CLCNKA: variants seen among roughly 807,000 people sequenced by gnomAD.
The protein encoded by CLCNKA is chloride voltage-gated channel Ka.
In CLCNKA, 66 loss-of-function variants were observed where a neutral mutation model predicts 83.3. That is an observed-to-expected ratio of 0.79 (90% CI 0.65 to 0.97). The LOEUF (loss-of-function observed/expected upper bound fraction) is 0.97, where lower values mean the gene tolerates loss of function less well. CLCNKA is among the 50% of genes least tolerant of loss of function. The pLI, the probability that CLCNKA is intolerant of heterozygous loss-of-function variation, is 0.00. For missense variants in CLCNKA, 806 were observed against 888.7 expected, an observed-to-expected ratio of 0.91 and a Z score of 1.18; for synonymous variants, 357 against 370.4, an observed-to-expected ratio of 0.96 and a Z score of 0.42.
chr1:16,024,244 C>T (rs1226932510), intron 3 of CLCNKA, among the ~76,000 whole-genome samples: 3 of 152,244 alleles, frequency 2.0e-5, no homozygotes, highest in South Asian at 2.1e-4. Context: ...AGTGGGGACA[C>T]TTGCCTAGAT....
rs542733152 is a variant in CLCNKA at position 16,031,241 on chromosome 1, G to A, written c.1623-469G>A. Reference sequence around the variant, plus strand: ...TGCTCTGAACCTGTTTCCCCATCGGGAAAATGGGGCTGTTTATACCAGTGA... The same window carrying A: ...TGCTCTGAACCTGTTTCCCCATCGGAAAAATGGGGCTGTTTATACCAGTGA... On this transcript the variant is annotated intron_variant, in intron 15 of 19. Coordinates refer to ENST00000331433, the MANE Select transcript of CLCNKA (RefSeq NM_004070.4). Among the ~76,000 whole-genome samples, 21 of 152,214 alleles carry A rather than the reference G, an allele frequency of 1.4e-4. No homozygotes were observed. The South Asian group carries it at 4.1e-3, about 30-fold the overall frequency.
intron 16 of CLCNKA, 110 bp downstream of exon 16, chr1:16,031,953 C>CAGGCAGTA (rs1197483324): frequency 6.4e-7 from 1 of 1,565,476 alleles, no homozygotes; most frequent in African/African-American, 1.4e-5. Context: ...ACTTAGCAAC[C>CAGGCAGTA]AACCGTGTGA....
intron 10 of CLCNKA, 130 bp downstream of exon 10, chr1:16,028,249 C>A: frequency 1.2e-6 from 1 of 841,530 alleles, no homozygotes; most frequent in Non-Finnish European, 2.0e-6. Flanking sequence ...GAGCATCTAA[C>A]AACCCTCTCC....
rs754951109 is a variant in CLCNKA at position 16,033,269 on chromosome 1, CG to C, written c.2016+18del. Reference sequence around the variant, plus strand: ...GTCCTGGGTGGAGGTACCAGGGTCCCGGGGGCAGAGCAAAGCAGGGGACCCA... The same window carrying C: ...GTCCTGGGTGGAGGTACCAGGGTCCCGGGGCAGAGCAAAGCAGGGGACCCA... On this transcript the variant is annotated intron_variant, in intron 19 of 19. Coordinates refer to ENST00000331433, the MANE Select transcript of CLCNKA (RefSeq NM_004070.4). 8.7e-5 allele frequency: 141 copies of C among 1,613,578 alleles called. 1 individual carries two copies. The African/African-American group carries it at 1.7e-3, about 20-fold the overall frequency.
At chr1:16,029,054 C>T (rs779365099) in intron 11 of CLCNKA, 72 bp from the exon 12 acceptor site, 45 of 1,571,152 alleles carry the variant, frequency 2.9e-5, no homozygotes, top group South Asian at 5.6e-5. Context: ...CGGGGTCAGG[C>T]GGTGCGGGGG....
intron 14 of CLCNKA, 46 bp from the exon 15 acceptor site, chr1:16,030,415 C>G (rs751166362): frequency 6.2e-7 from 1 of 1,606,714 alleles, no homozygotes; most frequent in African/African-American, 1.3e-5. Context: ...TCAGGCTGGC[C>G]CCTGCCTCCT....
chr1:16,032,416 G>A (rs2022661630), intron 17 of CLCNKA, 27 bp from the exon 18 acceptor site: 3 of 1,596,496 alleles, frequency 1.9e-6, no homozygotes, highest in Admixed American at 1.7e-5. Flanking sequence ...GGCCGGCCCT[G>A]CACCCATAAC....
rs775703343 is a variant in CLCNKA at position 16,024,909 on chromosome 1, A to C, written c.358+18A>C. On this transcript the variant is annotated intron_variant, in intron 4 of 19. Transcript: ENST00000331433. ...CTCTGGAGGTGAGTCCACGGTCGCC[A>C]TGCCAGTCCCCAGTGCCAAAACCTT... 1 of 1,613,906 alleles carries C rather than the reference A, an allele frequency of 6.2e-7. No individual in the cohort carries two copies. The highest frequency in any genetic ancestry group is 8.5e-7 in the Non-Finnish European group (1 of 1,179,946).
chr1:16,026,087 T>C (rs753448641), intron 4 of CLCNKA, 21 bp from the exon 5 acceptor site: 2 of 1,612,220 alleles, frequency 1.2e-6, no homozygotes, highest in South Asian at 1.1e-5. Context: ...CCCCTGCTTG[T>C]TCCTGTCCTG....
chr1:16,026,117 TC>T lies in CLCNKA; in HGVS notation c.371del (p.Pro124ArgfsTer3), dbSNP rs2022335879. The T allele has an allele frequency of 6.2e-7, 1 of 1,612,594 alleles. No individual in the cohort carries two copies. The highest frequency in any genetic ancestry group is 8.5e-7 in the Non-Finnish European group (1 of 1,180,010). The stretch of plus-strand genomic sequence containing the variant: ...GTCCTGTCTGGCTAAGGTTCTGGAA[TC>T]CCGGAGCTGAAGACCATGTTGGCGG... ...SITPSSGGSG[I>X]PELKTMLAGV... is the part of the protein sequence containing the mutation. On this transcript the variant is annotated frameshift_variant, in exon 5 of 20. Coordinates refer to ENST00000331433, the MANE Select transcript of CLCNKA (RefSeq NM_004070.4). LOFTEE classifies it high-confidence loss of function.
At chr1:16,032,676 G>A (rs541064254) in intron 18 of CLCNKA, 150 bp downstream of exon 18, 5 of 685,456 alleles carry the variant, frequency 7.3e-6, no homozygotes. Flanking sequence ...GGCAGCTCCT[G>A]CCGTCGCCCC....
At position 16,024,911 on chromosome 1, in the gene CLCNKA, G is replaced by A; in HGVS notation, c.358+20G>A. On this transcript the variant is annotated intron_variant, in intron 4 of 19. Coordinates refer to ENST00000331433, the MANE Select transcript of CLCNKA (RefSeq NM_004070.4). ...CTGGAGGTGAGTCCACGGTCGCCAT[G>A]CCAGTCCCCAGTGCCAAAACCTTCT... The A allele has an allele frequency of 4.3e-6, 7 of 1,613,896 alleles. No homozygotes were observed. Among genetic ancestry groups the A allele is most frequent in the Non-Finnish European group, 5.9e-6 (7 of 1,179,950 alleles).
In CLCNKA at chr1:16,030,793, G is replaced by A. The variant is rs2022593029; in HGVS notation, c.1622+119G>A. ...AGCTGACCTCCGACATGGGGGCTGG[G>A]AGGGGCTGACACACAGCTGTGCTCT... On this transcript the variant is annotated intron_variant, in intron 15 of 19. Coordinates refer to ENST00000331433, the MANE Select transcript of CLCNKA (RefSeq NM_004070.4). 4 of 1,380,362 alleles carry A rather than the reference G, an allele frequency of 2.9e-6. No individual in the cohort carries two copies. The African/African-American group carries it at 5.7e-5, about 20-fold the overall frequency. The allele number at this position is 1,380,362 out of a possible 1,614,324, so 85.5% of individuals were successfully genotyped here. A position where few individuals can be genotyped will look rare whatever the true frequency, so the allele number is the denominator to read the frequency against.
intron 5 of CLCNKA, 70 bp from the exon 6 acceptor site, chr1:16,026,466 G>A: frequency 1.3e-6 from 2 of 1,597,360 alleles, no homozygotes; most frequent in Non-Finnish European, 8.6e-7. Flanking sequence ...GGGTGTGGTG[G>A]GGAAGCCGTG....
At chr1:16,022,504 G>A (rs762416625) in intron 1 of CLCNKA, 109 bp from the exon 2 acceptor site, 14 of 747,766 alleles carry the variant, frequency 1.9e-5, no homozygotes, top group South Asian at 3.8e-5. Flanking sequence ...ACACACACAC[G>A]CACAATCCTT....
chr1:16,030,494 C>T lies in CLCNKA; in HGVS notation c.1442C>T (p.Thr481Ile), dbSNP rs1003934726. 3.1e-6 allele frequency: 5 copies of T among 1,612,836 alleles called. No individual in the cohort carries two copies. In the African/African-American group the frequency reaches 6.7e-5, roughly 22 times the overall value. The change falls in exon 15 of 20, where the codon ACC becomes ATC. Residue 481 changes from threonine (T) to isoleucine (I), a missense_variant. Physicochemically the swap from Thr to Ile is moderately conservative, Grantham distance 89 (BLOSUM62 -1). Transcript: ENST00000331433. ...GCCTTCTCAGGGGCTGTGACCCACA[C>T]CATCTCCACGGCGCTGCTGGCCTTT... ...AAAFSGAVTH[T>I]ISTALLAFEL...
At chr1:16,031,229 TTTCCCCATCGGGAAAATGGGGC>T (rs1195530693) in intron 15 of CLCNKA, among the ~76,000 whole-genome samples, 38 of 152,206 alleles carry the variant, frequency 2.5e-4, no homozygotes, top group Non-Finnish European at 1.2e-4. Context: ...TCTGAACCTG[TTTCCCCATCGGGAAAATGGGGC>T]TGTTTATACC....
intron 10 of CLCNKA, 118 bp downstream of exon 10, chr1:16,028,237 TGG>T: frequency 1.1e-6 from 1 of 948,458 alleles, no homozygotes; most frequent in Non-Finnish European, 1.7e-6. Context: ...CCCTAGCCCG[TGG>T]AGCATCTAAC....
chr1:16,028,494 C>T, intron 10 of CLCNKA: 1 of 644,914 alleles, frequency 1.6e-6, no homozygotes, highest in Non-Finnish European at 2.8e-6. Context: ...CTCCTCCCTC[C>T]TAGCCTGCCT....
Sources: allele counts gnomAD v4.1 joint callset (sites outside exome capture counted in the v4.1 genomes callset), GRCh38; gene constraint gnomAD v4.1.1; transcripts MANE v1.5; gene names NCBI Gene and HGNC (gene_info 2026-07-23, HGNC 2026-07-21).